The following FSTL5 variants were observed in gnomAD, a reference collection of about 807,000 sequenced individuals.
FSTL5 encodes the protein follistatin-related protein 5.
A neutral mutation model predicts 89.1 loss-of-function variants in FSTL5; 62 were observed. That is an observed-to-expected ratio of 0.70 (90% confidence interval 0.57 to 0.86). The LOEUF is 0.86. FSTL5 is among the 40% of genes least tolerant of loss of function. The pLI is 0.00. For missense variants in FSTL5, 1,057 were observed against 1,001.6 expected (o/e 1.06, Z -0.75); for synonymous variants, 383 against 346.2 (o/e 1.11, Z -1.18).
intron 11 of FSTL5, among the ~76,000 whole-genome samples, chr4:161,501,491 T>C (rs1324942356): frequency 6.6e-6 from 1 of 152,038 alleles, no homozygotes; most frequent in Non-Finnish European, 1.5e-5. Context: ...TGTTTATATA[T>C]AGTGTGCATA....
intron 5 of FSTL5, among the ~76,000 whole-genome samples, chr4:161,767,383 G>A (rs1741049689): frequency 6.6e-6 from 1 of 152,170 alleles, no homozygotes; most frequent in Admixed American, 6.5e-5. Context: ...ATTCTTTCAA[G>A]AAAGAAAGTT....
chr4:162,163,339 A>C (rs1410855356), intron 1 of FSTL5, among the ~76,000 whole-genome samples: 3 of 151,430 alleles, frequency 2.0e-5, no homozygotes, highest in Non-Finnish European at 4.4e-5. Context: ...ATTTATATTT[A>C]TAAAGCAAGA....
intron 4 of FSTL5, among the ~76,000 whole-genome samples, chr4:161,798,071 T>C (rs1277698244): frequency 6.6e-6 from 1 of 151,680 alleles, no homozygotes; most frequent in African/African-American, 2.4e-5. Flanking sequence ...TATATAATAC[T>C]AAAATGACTT....
At chr4:161,861,841 A>AAGAC (rs1731927306) in intron 4 of FSTL5, among the ~76,000 whole-genome samples, 1 of 152,070 alleles carries the variant, frequency 6.6e-6, no homozygotes, top group South Asian at 2.1e-4. Flanking sequence ...TACTCACAGA[A>AAGAC]AATCTGATCA....
intron 4 of FSTL5, among the ~76,000 whole-genome samples, chr4:161,843,003 G>A (rs1031538510): frequency 6.6e-6 from 1 of 152,184 alleles, no homozygotes; most frequent in African/African-American, 2.4e-5. Flanking sequence ...ATGTGATTTA[G>A]TATTTCTTTC....
intron 2 of FSTL5, among the ~76,000 whole-genome samples, chr4:162,110,748 A>G (rs1731404061): frequency 6.6e-6 from 1 of 151,756 alleles, no homozygotes; most frequent in South Asian, 2.1e-4. Context: ...ACTTCAAAAC[A>G]TTTAACATAA....
intron 7 of FSTL5, among the ~76,000 whole-genome samples, chr4:161,592,270 C>CATT (rs962197239): frequency 1.3e-5 from 2 of 151,782 alleles, no homozygotes; most frequent in Middle Eastern, 3.2e-3. Context: ...TTTTTATTAC[C>CATT]ATTATTATTA....
intron 4 of FSTL5, among the ~76,000 whole-genome samples, chr4:161,871,953 GTTA>G (rs549781693): frequency 3.4e-4 from 51 of 151,372 alleles, no homozygotes; most frequent in Admixed American, 9.9e-4. Flanking sequence ...AGTCATGAAA[GTTA>G]TTATTATTAA....
chr4:161,698,853 G>C (rs539748832), intron 6 of FSTL5, among the ~76,000 whole-genome samples: 1 of 152,178 alleles, frequency 6.6e-6, no homozygotes, highest in African/African-American at 2.4e-5. Context: ...AGGAGGCTGA[G>C]GCAGGAGAAT....
intron 7 of FSTL5, among the ~76,000 whole-genome samples, chr4:161,608,784 A>G (rs1298523977): frequency 6.6e-6 from 1 of 152,034 alleles, no homozygotes; most frequent in Non-Finnish European, 1.5e-5. Context: ...TAAATTTCAC[A>G]TTAAAAAACA....
intron 1 of FSTL5, among the ~76,000 whole-genome samples, chr4:162,141,291 A>T (rs2111482580): frequency 2.3e-5 from 2 of 87,924 alleles, no homozygotes; most frequent in African/African-American, 7.5e-5. Flanking sequence ...TAATTTTTGT[A>T]TTTTTAGTAG....
At chr4:161,764,780 G>T (rs1201362307) in intron 5 of FSTL5, among the ~76,000 whole-genome samples, 2 of 152,004 alleles carry the variant, frequency 1.3e-5, no homozygotes, top group East Asian at 1.9e-4. Flanking sequence ...TTCTGAACAT[G>T]AATACTAAGT....
At chr4:162,070,628 T>C (rs1001537673) in intron 2 of FSTL5, among the ~76,000 whole-genome samples, 1 of 151,886 alleles carries the variant, frequency 6.6e-6, no homozygotes, top group Non-Finnish European at 1.5e-5. Context: ...CAATGTATAT[T>C]CTTGGCACCT....
intron 4 of FSTL5, among the ~76,000 whole-genome samples, chr4:161,897,338 G>C (rs1402061126): frequency 6.6e-6 from 1 of 151,182 alleles, no homozygotes; most frequent in Admixed American, 6.6e-5. Context: ...CTTTCTCTTA[G>C]GTCACTAAAA....
chr4:162,089,530 G>C (rs899447162), intron 2 of FSTL5, among the ~76,000 whole-genome samples: 3 of 150,942 alleles, frequency 2.0e-5, no homozygotes, highest in Non-Finnish European at 4.4e-5. Context: ...CTACTCGGGA[G>C]GGTAAGGCAG....
intron 8 of FSTL5, among the ~76,000 whole-genome samples, chr4:161,545,514 C>A (rs1339571937): frequency 1.3e-5 from 2 of 152,010 alleles, no homozygotes; most frequent in Non-Finnish European, 2.9e-5. Flanking sequence ...GACTCCAAAA[C>A]TTCTGGGAAG....
At chr4:161,597,661 C>CA (rs71598716) in intron 7 of FSTL5, among the ~76,000 whole-genome samples, 26,414 of 146,732 alleles carry the variant, frequency 0.18, 2,426 homozygotes, top group Middle Eastern at 0.35. Context: ...TAAATAAATA[C>CA]AAAAAAAAAG....
At position 161,903,363 on chromosome 4, in the gene FSTL5, C is replaced by G. The variant is rs554415813; in HGVS notation, c.409+17041G>C. 2.0e-5 allele frequency among the ~76,000 whole-genome samples: 3 copies of G among 152,142 alleles called. No homozygotes were observed. In the East Asian group the frequency reaches 5.8e-4, roughly 29 times the overall value. ...CTTTAGTCCCTATCAAAAACTATTACTCTTCTCTCCCATGAAAATAAAAAG... is the reference window on the plus strand; with the variant it reads ...CTTTAGTCCCTATCAAAAACTATTAGTCTTCTCTCCCATGAAAATAAAAAG... On this transcript the variant is annotated intron_variant, in intron 4 of 15. Coordinates refer to ENST00000306100, the MANE Select transcript of FSTL5 (RefSeq NM_020116.5).
At chr4:161,695,289 T>G (rs1364300290) in intron 6 of FSTL5, among the ~76,000 whole-genome samples, 2 of 152,100 alleles carry the variant, frequency 1.3e-5, no homozygotes, top group Non-Finnish European at 2.9e-5. Context: ...CTCCCACTTA[T>G]GAGTAAGAAC....
Sources: gnomAD v4.1 joint callset for allele counts (sites outside exome capture counted in the v4.1 genomes callset) on GRCh38, gnomAD v4.1.1 for gene constraint, MANE v1.5 for transcripts, NCBI Gene and HGNC (gene_info 2026-07-23, HGNC 2026-07-21) for gene names.